LARGE1: variants seen among roughly 807,000 people sequenced by gnomAD.
The protein encoded by LARGE1 is xylosyl- and glucuronyltransferase LARGE1.
LARGE1 carries 43 observed loss-of-function variants against 87.6 expected under a neutral mutation model. The observed-to-expected ratio is 0.49, with a 90% CI of 0.38 to 0.63. The LOEUF (loss-of-function observed/expected upper bound fraction) is 0.63, where lower values mean the gene tolerates loss of function less well. Among genes scored for constraint, LARGE1 ranks in the 30% least tolerant of loss-of-function variants. The probability of loss-of-function intolerance (pLI) is 0.00; values close to 1 mark genes in which losing one functional copy is unlikely to be tolerated. For missense variants in LARGE1, 802 were observed against 1,000.2 expected (o/e 0.80, Z 2.67); for synonymous variants, 434 against 394.6 (o/e 1.10, Z -1.18).
intron 9 of LARGE1, among the ~76,000 whole-genome samples, chr22:33,369,328 C>A (rs781686154): frequency 2.6e-4 from 39 of 152,296 alleles, no homozygotes; most frequent in Admixed American, 3.3e-4. Context: ...ATGGGATTCT[C>A]CCACATGAAG....
chr22:33,651,225 CAAAA>C (rs71187275), intron 2 of LARGE1, among the ~76,000 whole-genome samples: 1 of 56,574 alleles, frequency 1.8e-5, no homozygotes, highest in Non-Finnish European at 3.6e-5. Context: ...ACTAAAAATA[CAAAA>C]AAAAAAAAAA....
the LARGE1 span, among the ~76,000 whole-genome samples, chr22:33,136,763 A>C: frequency 6.6e-6 from 1 of 152,140 alleles, no homozygotes. Context: ...GCCATGGTTG[A>C]AGTCAAGGAT....
chr22:33,128,933 G>A, the LARGE1 span, among the ~76,000 whole-genome samples: 1 of 152,138 alleles, frequency 6.6e-6, no homozygotes, highest in African/African-American at 2.4e-5. Flanking sequence ...CAACAATGGG[G>A]AGAGTCAGGG....
chr22:33,496,646 G>T (rs535674932), intron 6 of LARGE1, among the ~76,000 whole-genome samples: 1 of 152,132 alleles, frequency 6.6e-6, no homozygotes, highest in Admixed American at 6.5e-5. Context: ...ACCACGACAG[G>T]ACTAAAGAAA....
intron 5 of LARGE1, among the ~76,000 whole-genome samples, chr22:33,601,737 T>A (rs9609845): frequency 0.17 from 26,079 of 152,014 alleles, 2,532 homozygotes; most frequent in African/African-American, 0.27. Context: ...ATAGTAGACA[T>A]CGGGTTAGAG....
chr22:33,100,376 A>T, the LARGE1 span, among the ~76,000 whole-genome samples: 1 of 151,386 alleles, frequency 6.6e-6, no homozygotes, highest in Non-Finnish European at 1.5e-5. Flanking sequence ...AAAAAAGTAA[A>T]AAATTAAATA....
chr22:33,097,171 A>G, the LARGE1 span, among the ~76,000 whole-genome samples: 1 of 152,238 alleles, frequency 6.6e-6, no homozygotes, highest in Non-Finnish European at 1.5e-5. Flanking sequence ...GAGGAAACAC[A>G]GCACTGGAGG....
chr22:33,611,828 G>T (rs976783201), intron 4 of LARGE1, among the ~76,000 whole-genome samples: 19 of 152,206 alleles, frequency 1.2e-4, no homozygotes, highest in African/African-American at 4.3e-4. Flanking sequence ...TCTGGGTTAT[G>T]GGGGTGGATC....
At chr22:33,304,168 C>A in intron 12 of LARGE1, 61 bp downstream of exon 12, 1 of 1,590,182 alleles carries the variant, frequency 6.3e-7, no homozygotes, top group Non-Finnish European at 8.6e-7. Flanking sequence ...CCTTTTGGTC[C>A]TGGCACTGCA....
intron 6 of LARGE1, among the ~76,000 whole-genome samples, chr22:33,478,059 T>G (rs533548687): frequency 6.6e-6 from 1 of 152,112 alleles, no homozygotes; most frequent in Non-Finnish European, 1.5e-5. Context: ...CACGCATAGG[T>G]TGATTAAGCT....
chr22:33,415,723 G>C (rs1265194211), intron 7 of LARGE1, among the ~76,000 whole-genome samples: 1 of 152,178 alleles, frequency 6.6e-6, no homozygotes, highest in Admixed American at 6.5e-5. Flanking sequence ...GTGGATGGGA[G>C]CTTCTGCATA....
At chr22:33,851,773 G>C (rs989958805) in intron 1 of LARGE1, among the ~76,000 whole-genome samples, 3 of 152,232 alleles carry the variant, frequency 2.0e-5, no homozygotes, top group Non-Finnish European at 4.4e-5. Flanking sequence ...TCTGAATTGG[G>C]TGCTGTCAAC....
intron 6 of LARGE1, among the ~76,000 whole-genome samples, chr22:33,530,036 G>C (rs553951089): frequency 6.6e-6 from 1 of 152,308 alleles, no homozygotes; most frequent in South Asian, 2.1e-4. Flanking sequence ...AGCAGCGATA[G>C]GGTCTAGGGT....
chr22:33,685,928 C>T (rs2081930408), intron 2 of LARGE1, among the ~76,000 whole-genome samples: 1 of 152,186 alleles, frequency 6.6e-6, no homozygotes, highest in Non-Finnish European at 1.5e-5. Flanking sequence ...TGTTGTGAGG[C>T]TCAACCAAGA....
At position 33,650,426 on chromosome 22, in the gene LARGE1, C is replaced by T. The variant is rs1282191156; in HGVS notation, c.349G>A (p.Gly117Ser). ...TCGGAGCTGTTGCCTGCCACGATGC[C>T]AGCCCGAAGGTTCTCGCTGTCTCCA... ...GTGDSENLRA[G>S]IVAGNSSECG... Residue 117 changes from glycine (G) to serine (S), a missense_variant, in exon 3 of 15, where the codon GGC becomes AGC. Transcript: ENST00000397394. The T allele has an allele frequency of 1.2e-6, 2 of 1,614,026 alleles. No individual in the cohort carries two copies. Among genetic ancestry groups the T allele is most frequent in the East Asian group, 4.5e-5 (2 of 44,888 alleles).
chr22:33,561,312 A>G (rs908227784), intron 6 of LARGE1, among the ~76,000 whole-genome samples: 5 of 152,196 alleles, frequency 3.3e-5, no homozygotes, highest in African/African-American at 1.2e-4. Flanking sequence ...TTTCTCTGGT[A>G]CGCCAGGGAG....
chr22:33,378,284 G>A (rs1228298444), intron 9 of LARGE1, among the ~76,000 whole-genome samples: 2 of 152,080 alleles, frequency 1.3e-5, no homozygotes, highest in Non-Finnish European at 2.9e-5. Context: ...ATGGGCATAG[G>A]CTTAAAATAA....
the LARGE1 span, among the ~76,000 whole-genome samples, chr22:33,076,964 G>A: frequency 6.6e-6 from 1 of 152,110 alleles, no homozygotes; most frequent in South Asian, 2.1e-4. Context: ...GACTGCCAGG[G>A]TTCCTATCAG....
chr22:33,869,411 A>AG (rs2064208164), intron 1 of LARGE1, among the ~76,000 whole-genome samples: 1 of 152,192 alleles, frequency 6.6e-6, no homozygotes, highest in Non-Finnish European at 1.5e-5. Flanking sequence ...GGAAAAAAAA[A>AG]GTATTCTCCA....
Sources: allele counts gnomAD v4.1 joint callset (sites outside exome capture counted in the v4.1 genomes callset), GRCh38; gene constraint gnomAD v4.1.1; transcripts MANE v1.5; gene names NCBI Gene and HGNC (gene_info 2026-07-23, HGNC 2026-07-21).